EDNRB: variants seen among roughly 807,000 people sequenced by gnomAD.
EDNRB encodes endothelin receptor type B.
EDNRB carries 18 observed loss-of-function variants against 46.4 expected under a neutral mutation model. That is an observed-to-expected ratio of 0.39 (90% CI 0.27 to 0.57). The LOEUF is 0.57. EDNRB is among the 20% of genes least tolerant of loss of function. The probability of loss-of-function intolerance (pLI) is 0.61; values close to 1 mark genes in which losing one functional copy is unlikely to be tolerated. For missense variants in EDNRB, 434 were observed against 537.5 expected (o/e 0.81, Z 1.90); for synonymous variants, 213 against 204.9 (o/e 1.04, Z -0.34).
intron 1 of EDNRB, among the ~76,000 whole-genome samples, chr13:77,916,938 G>C (rs1431756580): frequency 1.3e-5 from 2 of 149,362 alleles, no homozygotes; most frequent in Non-Finnish European, 1.5e-5. Context: ...ACACCATAAA[G>C]CCTCAGTAAG....
At chr13:77,908,031 A>AG in intron 1 of EDNRB, among the ~76,000 whole-genome samples, 2 of 44,012 alleles carry the variant, frequency 4.5e-5, no homozygotes, top group African/African-American at 8.8e-5. Context: ...CAAAAAAAAA[A>AG]AAAAAAAAAA....
At chr13:77,903,948 T>A (rs528156465) in intron 1 of EDNRB, among the ~76,000 whole-genome samples, 11 of 152,024 alleles carry the variant, frequency 7.2e-5, no homozygotes, top group African/African-American at 2.7e-4. Flanking sequence ...AATGCCCAGA[T>A]CATGGCCAAA....
At chr13:77,908,524 A>T (rs2137623066) in intron 1 of EDNRB, among the ~76,000 whole-genome samples, 1 of 151,906 alleles carries the variant, frequency 6.6e-6, no homozygotes, top group East Asian at 1.9e-4. Flanking sequence ...TTAGACATTC[A>T]TTTCTTCATC....
intron 1 of EDNRB, among the ~76,000 whole-genome samples, chr13:77,969,957 GA>G (rs147469073): frequency 0.033 from 4,990 of 152,202 alleles, 271 homozygotes; most frequent in African/African-American, 0.11. Context: ...CATGATGTTT[GA>G]AAAAACTTGG....
At chr13:77,959,703 C>T (rs528518674) in intron 1 of EDNRB, among the ~76,000 whole-genome samples, 5 of 152,284 alleles carry the variant, frequency 3.3e-5, no homozygotes, top group Admixed American at 1.3e-4. Context: ...ATAACTTTGA[C>T]GAATTGAGAG....
chr13:77,944,670 T>A (rs1880852424), intron 1 of EDNRB: 1 of 152,136 alleles, frequency 6.6e-6, no homozygotes, highest in Non-Finnish European at 1.5e-5. Flanking sequence ...TTTGTGAAGT[T>A]CTTATCATTA....
chr13:77,911,590 T>C (rs948818387), intron 1 of EDNRB, among the ~76,000 whole-genome samples: 1 of 151,998 alleles, frequency 6.6e-6, no homozygotes, highest in Non-Finnish European at 1.5e-5. Flanking sequence ...GCTTGAGAAA[T>C]GCTTCAATCA....
chr13:77,900,787 A>G, intron 4 of EDNRB, 133 bp from the exon 5 acceptor site: 5 of 1,330,562 alleles, frequency 3.8e-6, no homozygotes, highest in Non-Finnish European at 5.3e-6. Context: ...ACTGAGCTTT[A>G]TATGGAATAG....
chr13:77,914,205 CAT>C (rs1879705068), intron 1 of EDNRB, among the ~76,000 whole-genome samples: 2 of 152,166 alleles, frequency 1.3e-5, no homozygotes, highest in African/African-American at 2.4e-5. Flanking sequence ...TGTAGTCACA[CAT>C]GTGTGCAAAG....
upstream of EDNRB, chr13:77,919,560 A>G: frequency 6.2e-7 from 1 of 1,612,414 alleles, no homozygotes; most frequent in Non-Finnish European, 8.5e-7. Flanking sequence ...CAGACAGTGT[A>G]GCCTCCACCG....
intron 1 of EDNRB, among the ~76,000 whole-genome samples, chr13:77,925,247 G>T (rs970271528): frequency 4.6e-5 from 7 of 152,096 alleles, no homozygotes; most frequent in African/African-American, 1.7e-4. Context: ...TATTTTTAAG[G>T]CTAAATAATA....
Position 77,900,449 on chromosome 13 carries a change from A to T in EDNRB, c.1085+72T>A. 3.1e-6 allele frequency: 5 copies of T among 1,601,092 alleles called. No individual in the cohort carries two copies. In the South Asian group the frequency reaches 5.5e-5, roughly 18 times the overall value. On this transcript the variant is annotated intron_variant, in intron 5 of 6. Transcript: ENST00000646607. ...AAAATGGTAGTCTGTCTTTCTGCCT[A>T]TAAAAAAGATCGATGGAAACACTTC...
At chr13:77,919,020 G>T (rs999428480), upstream of EDNRB, 1 of 686,488 alleles carries the variant, frequency 1.5e-6, no homozygotes, top group Non-Finnish European at 2.0e-6. Flanking sequence ...GAGGCCAAGG[G>T]CTTGTGTCAA....
intron 1 of EDNRB, among the ~76,000 whole-genome samples, chr13:77,954,012 C>A (rs1881163705): frequency 6.6e-6 from 1 of 152,150 alleles, no homozygotes; most frequent in Admixed American, 6.5e-5. Flanking sequence ...GAACCCCAAT[C>A]ACTCAACTCC....
chr13:77,962,731 T>C (rs186018206), intron 1 of EDNRB, among the ~76,000 whole-genome samples: 2 of 152,286 alleles, frequency 1.3e-5, no homozygotes, highest in East Asian at 3.9e-4. Flanking sequence ...ATGCCCTCTC[T>C]CACCACTCCT....
intron 1 of EDNRB, among the ~76,000 whole-genome samples, chr13:77,954,688 G>A (rs1881184807): frequency 1.3e-5 from 2 of 151,880 alleles, no homozygotes; most frequent in African/African-American, 4.8e-5. Flanking sequence ...TGTATTTTTA[G>A]TAGAGATGGG....
At chr13:77,960,181 C>T (rs914116608) in intron 1 of EDNRB, among the ~76,000 whole-genome samples, 5 of 151,990 alleles carry the variant, frequency 3.3e-5, no homozygotes, top group Admixed American at 1.3e-4. Context: ...TCAGGAAATA[C>T]GAGAATGCCA....
intron 1 of EDNRB, among the ~76,000 whole-genome samples, chr13:77,933,325 C>T (rs138439248): frequency 7.2e-5 from 11 of 152,034 alleles, no homozygotes; most frequent in South Asian, 2.1e-4. Flanking sequence ...AGAGAGTCAG[C>T]GAAGGGAGAC....
At position 77,897,154 on chromosome 13, in the gene EDNRB, C is replaced by T. The variant is rs1878672900; in HGVS notation, c.*1046G>A. On this transcript the variant is annotated 3_prime_UTR_variant, in exon 7 of 7. Coordinates refer to ENST00000646607, the MANE Select transcript of EDNRB (RefSeq NM_001122659.3). ...TTTGTCATGTGGACACTGCACCAGG[C>T]AGTTCACAGTCTTTATTATGAGGTC... 3.0e-6 allele frequency: 3 copies of T among 985,514 alleles called. No individual in the cohort carries two copies. 61.0% of individuals were successfully genotyped at this position (985,514 alleles called of 1,614,324 possible). A position where few individuals can be genotyped will look rare whatever the true frequency, so the allele number is the denominator to read the frequency against.
Sources: gnomAD v4.1 joint callset for allele counts (sites outside exome capture counted in the v4.1 genomes callset) on GRCh38, gnomAD v4.1.1 for gene constraint, MANE v1.5 for transcripts, NCBI Gene and HGNC (gene_info 2026-07-23, HGNC 2026-07-21) for gene names.